FBN1: variants seen among roughly 807,000 people sequenced by gnomAD.
The protein encoded by FBN1 is fibrillin-1.
FBN1 carries 29 observed loss-of-function variants against 365.1 expected under a neutral mutation model. The ratio of observed to expected loss-of-function variants is 0.08; its 90% confidence interval spans 0.06 to 0.11. FBN1 has a LOEUF of 0.11. Among genes scored for constraint, FBN1 ranks in the 10% least tolerant of loss-of-function variants. FBN1 has a pLI of 1.00. For synonymous variants in FBN1, 1,210 were observed against 1,270.5 expected (o/e 0.95, Z 1.01); for missense variants, 2,476 against 3,703.2 (o/e 0.67, Z 8.60).
chr15:48,535,083 G>A (rs1272602686), intron 7 of FBN1, among the ~76,000 whole-genome samples: 4 of 152,132 alleles, frequency 2.6e-5, no homozygotes, highest in Non-Finnish European at 4.4e-5. Flanking sequence ...CCCTCTGCCC[G>A]GAATAGTCTT....
At chr15:48,518,584 A>G (rs1450453866) in intron 10 of FBN1, among the ~76,000 whole-genome samples, 1 of 152,206 alleles carries the variant, frequency 6.6e-6, no homozygotes, top group Non-Finnish European at 1.5e-5. Context: ...TAACCTCTCT[A>G]GGAAACTGTA....
At chr15:48,463,327 C>T in intron 41 of FBN1, 87 bp from the exon 42 acceptor site, 1 of 1,288,706 alleles carries the variant, frequency 7.8e-7, no homozygotes, top group Non-Finnish European at 1.1e-6. Context: ...ACTCAACAAG[C>T]AAGTTTCATT....
intron 50 of FBN1, among the ~76,000 whole-genome samples, chr15:48,439,944 G>A (rs1226983931): frequency 6.6e-6 from 1 of 152,242 alleles, no homozygotes; most frequent in South Asian, 2.1e-4. Flanking sequence ...CCACGGTTCT[G>A]TGGAATTTTC....
chr15:48,455,241 T>TGTTA (rs2043230083), intron 44 of FBN1, among the ~76,000 whole-genome samples: 1 of 152,222 alleles, frequency 6.6e-6, no homozygotes, highest in African/African-American at 2.4e-5. Flanking sequence ...ATCCACAGAA[T>TGTTA]GCTACCCTGA....
chr15:48,509,040 T>C (rs564016953), intron 14 of FBN1, among the ~76,000 whole-genome samples: 2 of 152,208 alleles, frequency 1.3e-5, no homozygotes, highest in Non-Finnish European at 1.5e-5. Flanking sequence ...GCCTAGTGGG[T>C]ATATTTATTT....
rs1035604393 is a variant in FBN1 at position 48,494,955 on chromosome 15, C to T, written c.2677+168G>A. 2.0e-4 allele frequency among the ~76,000 whole-genome samples: 30 copies of T among 152,230 alleles called. 1 individual carries two copies. ...AGAAAATAATAAATGAACAAAATCA[C>T]ATAAAATTTGACACTTCTTATTTCC... On this transcript the variant is annotated intron_variant, in intron 22 of 65. Transcript: ENST00000316623.
chr15:48,571,362 A>G (rs1476155169), intron 6 of FBN1, among the ~76,000 whole-genome samples: 2 of 152,216 alleles, frequency 1.3e-5, no homozygotes, highest in Non-Finnish European at 2.9e-5. Flanking sequence ...ATATTTAAAA[A>G]TCGAACCACA....
intron 2 of FBN1, chr15:48,642,697 A>G (rs535707844): frequency 3.7e-4 from 56 of 150,834 alleles, no homozygotes; most frequent in African/African-American, 1.3e-3. Flanking sequence ...GTGTGTGTAT[A>G]TATATATATC....
chr15:48,543,216 T>C (rs989576279), intron 6 of FBN1, among the ~76,000 whole-genome samples: 2 of 152,170 alleles, frequency 1.3e-5, no homozygotes, highest in African/African-American at 2.4e-5. Context: ...TCCAGTCTCT[T>C]TCCTTCTAGT....
intron 2 of FBN1, among the ~76,000 whole-genome samples, chr15:48,620,999 A>C (rs1889755455): frequency 1.3e-5 from 2 of 152,244 alleles, no homozygotes; most frequent in Non-Finnish European, 2.9e-5. Context: ...CAAATGAAGG[A>C]AGTGTAAATG....
Position 48,590,390 on chromosome 15 carries a change from C to T in FBN1, c.538+5893G>A, listed in dbSNP as rs118057356. The stretch of plus-strand genomic sequence containing the variant: ...ATATTTGGATAATTACATGTTAGTC[C>T]TTTCCATTCACTAGACACAGTATAG... On this transcript the variant is annotated intron_variant, in intron 6 of 65. Coordinates refer to ENST00000316623, the MANE Select transcript of FBN1 (RefSeq NM_000138.5). Among the ~76,000 whole-genome samples the T allele has an allele frequency of 1.1e-3, 161 of 152,282 alleles. 2 individuals are homozygous for T. The East Asian group carries it at 0.03, about 29-fold the overall frequency.
intron 60 of FBN1, among the ~76,000 whole-genome samples, chr15:48,422,914 G>A (rs1482658561): frequency 6.6e-6 from 1 of 152,014 alleles, no homozygotes; most frequent in African/African-American, 2.4e-5. Context: ...GCAACAGAGT[G>A]AAACTTCGTC....
Position 48,411,368 on chromosome 15 carries a change from C to G in FBN1, c.8238G>C (p.Glu2746Asp). Residue 2746 changes from glutamate to aspartate, a missense_variant, in exon 66 of 66, where the codon GAG (glutamate) becomes GAC (aspartate). Glu to Asp is a conservative substitution (Grantham distance 45). Around this residue, in one of 5 missense-constraint regions of FBN1, gnomAD observed 177 missense variants for 192.7 expected, o/e 0.92. Transcript: ENST00000316623. ...TTGCAAGACTCACATTGGCTTCTGT[C>G]TCAGACTGATCCTGGAAAGACACAT... is the stretch of plus-strand genomic sequence containing the variant. ...TDASNIEDQS[E>D]TEANVSLASW... is the part of the protein sequence containing the mutation. 1 of 1,613,990 alleles carries G rather than the reference C, an allele frequency of 6.2e-7. No individual in the cohort carries two copies. Among genetic ancestry groups the G allele is most frequent in the Non-Finnish European group, 8.5e-7 (1 of 1,179,976 alleles).
In FBN1 at chr15:48,488,354, G is replaced by T; in HGVS notation, c.3208+14C>A. On this transcript the variant is annotated intron_variant, in intron 26 of 65. Coordinates refer to ENST00000316623, the MANE Select transcript of FBN1 (RefSeq NM_000138.5). ...GACGTCCCCTCTCCTGGCCCTTAAGGCTCATTAACTGACCTGTGCAGTTCC... is the reference window on the plus strand; with the variant it reads ...GACGTCCCCTCTCCTGGCCCTTAAGTCTCATTAACTGACCTGTGCAGTTCC... The T allele has an allele frequency of 6.2e-7, 1 of 1,614,168 alleles. No homozygotes were observed. The highest frequency in any genetic ancestry group is 8.5e-7 in the Non-Finnish European group (1 of 1,180,030).
At chr15:48,435,581 A>T (rs952650663) in intron 53 of FBN1, among the ~76,000 whole-genome samples, 9 of 152,060 alleles carry the variant, frequency 5.9e-5, no homozygotes, top group Admixed American at 1.3e-4. Context: ...CATTAGGAAG[A>T]GGAAAGGCTA....
chr15:48,430,488 G>C (rs564299905), intron 56 of FBN1, among the ~76,000 whole-genome samples, 183 bp downstream of exon 56: 1 of 152,306 alleles, frequency 6.6e-6, no homozygotes, highest in South Asian at 2.1e-4. Flanking sequence ...GACAATGACA[G>C]TGCTCTTGGA....
chr15:48,411,080 A>C lies in FBN1; in HGVS notation c.8526T>G (p.Leu2842=). 1 of 1,613,954 alleles carries C rather than the reference A, an allele frequency of 6.2e-7. No homozygotes were observed. Residue 2842 remains leucine, a synonymous_variant, in exon 66 of 66, where the codon CTT becomes CTG. Transcript: ENST00000316623. ...SSTPLYKKKE[L]NQLEDKYDKD... ...TGTCATATTTGTCTTCTAGTTGGTTAAGTTCTTTCTTTTTATAAAGTGGAG... is the reference window on the plus strand; with the variant it reads ...TGTCATATTTGTCTTCTAGTTGGTTCAGTTCTTTCTTTTTATAAAGTGGAG...
intron 10 of FBN1, among the ~76,000 whole-genome samples, chr15:48,519,694 GA>G (rs563018979): frequency 6.6e-6 from 1 of 151,728 alleles, no homozygotes; most frequent in Admixed American, 6.6e-5. Context: ...AGAAGTTTTA[GA>G]AAAAAAAGCC....
intron 43 of FBN1, among the ~76,000 whole-genome samples, chr15:48,459,539 G>A (rs538960516): frequency 6.6e-6 from 1 of 152,348 alleles, no homozygotes; most frequent in East Asian, 1.9e-4. Flanking sequence ...AGACACAACT[G>A]TGCAGACTTA....
Sources: gnomAD v4.1 joint callset for allele counts (sites outside exome capture counted in the v4.1 genomes callset) on GRCh38, gnomAD v4.1.1 for gene constraint, gnomAD v4.1.1 regional missense constraint, MANE v1.5 for transcripts, NCBI Gene and HGNC (gene_info 2026-07-23, HGNC 2026-07-21) for gene names.